The following MOXD1 variants were observed in gnomAD, a reference collection of about 807,000 sequenced individuals.
The protein encoded by MOXD1 is DBH-like monooxygenase protein 1.
A neutral mutation model predicts 66.6 loss-of-function variants in MOXD1; 62 were observed. The observed-to-expected ratio is 0.93, with a 90% CI of 0.76 to 1.15. MOXD1 has a LOEUF of 1.15. MOXD1 is among the 50% of genes most tolerant of loss of function. MOXD1 has a pLI of 0.00. For synonymous variants in MOXD1, 303 were observed against 281.9 expected (o/e 1.07, Z -0.75); for missense variants, 847 against 754.6 (o/e 1.12, Z -1.44).
intron 4 of MOXD1, among the ~76,000 whole-genome samples, chr6:132,329,652 A>G (rs1340561561): frequency 6.6e-6 from 1 of 152,124 alleles, no homozygotes; most frequent in Non-Finnish European, 1.5e-5. Context: ...TTTATCATCA[A>G]TGAAATTCAA....
intron 4 of MOXD1, among the ~76,000 whole-genome samples, chr6:132,336,002 A>G (rs915788691): frequency 2.0e-5 from 3 of 152,194 alleles, no homozygotes; most frequent in African/African-American, 7.2e-5. Context: ...ATATGTGAGA[A>G]ACACAGGGAG....
At chr6:132,338,246 G>A (rs552022616) in intron 4 of MOXD1, among the ~76,000 whole-genome samples, 3 of 152,130 alleles carry the variant, frequency 2.0e-5, no homozygotes, top group African/African-American at 4.8e-5. Context: ...TGATATACTC[G>A]TATCTTTATT....
Position 132,401,328 on chromosome 6 carries a change from C to T in MOXD1, c.99G>A (p.Ser33=), listed in dbSNP as rs1453769677. 3 of 1,588,290 alleles carry T rather than the reference C, an allele frequency of 1.9e-6. No individual in the cohort carries two copies. The highest frequency in any genetic ancestry group is 1.7e-6 in the Non-Finnish European group (2 of 1,172,230). ...TCCAGCCCAGCCAGTACTTGCCCTC[C>T]GAGTCCAGGAGGGTCCGGTGCGGAT... ...RTYPHRTLLD[S]EGKYWLGWSQ... is the part of the protein sequence containing the mutation. The change falls in exon 1 of 12, where the codon TCG becomes TCA. Residue 33 remains serine, a synonymous_variant. Coordinates refer to ENST00000367963, the MANE Select transcript of MOXD1 (RefSeq NM_015529.4).
chr6:132,328,728 G>A (rs957796730), intron 4 of MOXD1, 134 bp from the exon 5 acceptor site: 18 of 834,286 alleles, frequency 2.2e-5, no homozygotes, highest in African/African-American at 1.7e-4. Context: ...TCAAGGTTGT[G>A]TAGTTCAAGT....
At chr6:132,381,316 C>T (rs1448024166) in intron 1 of MOXD1, among the ~76,000 whole-genome samples, 1 of 152,120 alleles carries the variant, frequency 6.6e-6, no homozygotes, top group Admixed American at 6.5e-5. Flanking sequence ...CCCAGTAGTA[C>T]CTTATTTCTT....
chr6:132,331,439 G>T (rs1405007832), intron 4 of MOXD1, among the ~76,000 whole-genome samples: 1 of 152,110 alleles, frequency 6.6e-6, no homozygotes, highest in Non-Finnish European at 1.5e-5. Flanking sequence ...GCTGGGTGGT[G>T]CTTGACTTTG....
chr6:132,351,443 T>A (rs1258104126), intron 4 of MOXD1, among the ~76,000 whole-genome samples: 1 of 152,208 alleles, frequency 6.6e-6, no homozygotes. Flanking sequence ...TGTATCACAT[T>A]TACTGACTTG....
intron 4 of MOXD1, among the ~76,000 whole-genome samples, chr6:132,365,275 C>T (rs1470847010): frequency 3.3e-5 from 5 of 152,122 alleles, no homozygotes; most frequent in Non-Finnish European, 5.9e-5. Flanking sequence ...CTAGAAAGGA[C>T]TAAGATGCCT....
intron 7 of MOXD1, 57 bp from the exon 8 acceptor site, chr6:132,322,927 T>C: frequency 6.9e-7 from 1 of 1,440,822 alleles, no homozygotes; most frequent in South Asian, 1.4e-5. Flanking sequence ...GTTCAGACAG[T>C]TTACATTCAA....
intron 1 of MOXD1, chr6:132,391,179 G>A (rs1057412864): frequency 5.3e-5 from 8 of 151,282 alleles, no homozygotes; most frequent in African/African-American, 1.7e-4. Flanking sequence ...CGAAATATGA[G>A]CTCTTAAGAG....
chr6:132,379,449 G>T (rs565449718), intron 1 of MOXD1, among the ~76,000 whole-genome samples: 1 of 152,124 alleles, frequency 6.6e-6, no homozygotes, highest in East Asian at 1.9e-4. Context: ...GAACAAGTCC[G>T]GGAAACAAAG....
At position 132,397,005 on chromosome 6, in the gene MOXD1, C is replaced by T. The variant is rs180817501; in HGVS notation, c.264+4158G>A. On this transcript the variant is annotated intron_variant, in intron 1 of 11. Coordinates refer to ENST00000367963, the MANE Select transcript of MOXD1 (RefSeq NM_015529.4). ...CCTCTTGAATCTAGTGGGCTTGTGA[C>T]CACAGTGAAAGACTAAGTCATAAAA... 1.9e-4 allele frequency among the ~76,000 whole-genome samples: 29 copies of T among 152,264 alleles called. No individual in the cohort carries two copies. In the East Asian group the frequency reaches 5.0e-3, roughly 26 times the overall value.
intron 4 of MOXD1, among the ~76,000 whole-genome samples, chr6:132,355,016 A>C (rs1775885026): frequency 1.3e-5 from 2 of 152,036 alleles, no homozygotes; most frequent in Non-Finnish European, 2.9e-5. Flanking sequence ...CCCTCCCCCA[A>C]CATCCTGTTT....
chr6:132,334,864 C>T lies in MOXD1; in HGVS notation c.664-6270G>A, dbSNP rs113850079. On this transcript the variant is annotated intron_variant, in intron 4 of 11. Coordinates refer to ENST00000367963, the MANE Select transcript of MOXD1 (RefSeq NM_015529.4). ...TTTTACAATGTAGAAAGTAATGAAA[C>T]GATTCAAAGAATCTACACTTGGTGG... is the stretch of plus-strand genomic sequence containing the variant. Among the ~76,000 whole-genome samples, 628 of 152,156 alleles carry T rather than the reference C, an allele frequency of 4.1e-3. 5 individuals carry two copies. The highest frequency in any genetic ancestry group is 0.027 in the Middle Eastern group (8 of 294).
intron 1 of MOXD1, among the ~76,000 whole-genome samples, chr6:132,385,570 A>G (rs1283700829): frequency 6.6e-6 from 1 of 151,066 alleles, no homozygotes; most frequent in Non-Finnish European, 1.5e-5. Flanking sequence ...TGCAATCTCC[A>G]TCTCCTGGGT....
chr6:132,317,799 C>G (rs2114561596), intron 9 of MOXD1, among the ~76,000 whole-genome samples: 1 of 152,276 alleles, frequency 6.6e-6, no homozygotes, highest in Admixed American at 6.5e-5. Flanking sequence ...TTCTATCCCT[C>G]TTCTTCCCAT....
intron 4 of MOXD1, among the ~76,000 whole-genome samples, chr6:132,343,574 C>CAA (rs911065365): frequency 7.4e-6 from 1 of 134,586 alleles, no homozygotes; most frequent in South Asian, 2.4e-4. Context: ...GACCCTGTAT[C>CAA]AAAAAAAAAA....
intron 2 of MOXD1, 34 bp downstream of exon 2, chr6:132,374,597 T>C (rs1206008648): frequency 6.3e-7 from 1 of 1,599,192 alleles, no homozygotes; most frequent in South Asian, 1.1e-5. Context: ...ATATACAATT[T>C]GTTCATGCAT....
chr6:132,369,993 T>G (rs912077127), intron 4 of MOXD1, among the ~76,000 whole-genome samples: 1 of 152,120 alleles, frequency 6.6e-6, no homozygotes, highest in Non-Finnish European at 1.5e-5. Context: ...TGAAACTGAC[T>G]TCTCACAATT....
Sources: gnomAD v4.1 joint callset for allele counts (sites outside exome capture counted in the v4.1 genomes callset) on GRCh38, gnomAD v4.1.1 for gene constraint, MANE v1.5 for transcripts, NCBI Gene and HGNC (gene_info 2026-07-23, HGNC 2026-07-21) for gene names.